Variants in IL7 observed in about 807,000 individuals in gnomAD.
The protein encoded by IL7 is interleukin 7.
Under a neutral mutation model 21.6 loss-of-function variants are expected in IL7, and 3 were observed. The ratio of observed to expected loss-of-function variants is 0.14; its 90% CI spans 0.06 to 0.36. The LOEUF (loss-of-function observed/expected upper bound fraction) is 0.36, where lower values mean the gene tolerates loss of function less well. IL7 is among the 10% of genes least tolerant of loss of function. The pLI, the probability that IL7 is intolerant of heterozygous loss-of-function variation, is 1.00. For synonymous variants in IL7, 62 were observed against 68.1 expected, an observed-to-expected ratio of 0.91 and a Z score of 0.44; for missense variants, 175 against 200.2, an observed-to-expected ratio of 0.87 and a Z score of 0.76.
chr8:78,742,531 T>C (rs905909835), intron 2 of IL7, among the ~76,000 whole-genome samples: 1 of 152,174 alleles, frequency 6.6e-6, no homozygotes, highest in Non-Finnish European at 1.5e-5. Context: ...TTAATACTTT[T>C]GTCTTTTAAC....
At chr8:78,754,675 T>C (rs1377113946) in intron 2 of IL7, among the ~76,000 whole-genome samples, 1 of 152,032 alleles carries the variant, frequency 6.6e-6, no homozygotes, top group Non-Finnish European at 1.5e-5. Context: ...AATCAGGTTT[T>C]TGTTGTTGTT....
Position 78,805,118 on chromosome 8 carries a change from A to G in IL7, c.-196T>C, listed in dbSNP as rs1032621709. 19 of 565,702 alleles carry G rather than the reference A, an allele frequency of 3.4e-5. No homozygotes were observed. Among genetic ancestry groups the G allele is most frequent in the Non-Finnish European group, 5.8e-5 (18 of 312,874 alleles). 35.0% of individuals were successfully genotyped at this position (565,702 alleles called of 1,614,324 possible). The stretch of plus-strand genomic sequence containing the variant: ...ATCCATCCCAAGGGGGGCGGCACAC[A>G]CTACGGCGTGGCTCTGCGCTTTGCC... On this transcript the variant is annotated 5_prime_UTR_variant, in exon 1 of 6. Coordinates refer to ENST00000263851, the MANE Select transcript of IL7 (RefSeq NM_000880.4).
At chr8:78,709,980 G>A (rs900198304) in intron 3 of IL7, among the ~76,000 whole-genome samples, 9 of 152,086 alleles carry the variant, frequency 5.9e-5, no homozygotes, top group Non-Finnish European at 1.3e-4. Context: ...TACCTAGTAA[G>A]CCACACTAAA....
chr8:78,713,984 A>G (rs62518987), downstream of IL7, among the ~76,000 whole-genome samples: 7,788 of 152,238 alleles, frequency 0.051, 280 homozygotes, highest in Middle Eastern at 0.082. Flanking sequence ...GGAAGCAGCT[A>G]TTTACAATTT....
At chr8:78,697,782 G>T (rs1254843094) in intron 3 of IL7, among the ~76,000 whole-genome samples, 1 of 150,862 alleles carries the variant, frequency 6.6e-6, no homozygotes, top group Non-Finnish European at 1.5e-5. Context: ...AGGTTCAAAT[G>T]ATTCTCCTGC....
chr8:78,764,010 A>T (rs1331162142), intron 2 of IL7, among the ~76,000 whole-genome samples: 1 of 152,176 alleles, frequency 6.6e-6, no homozygotes, highest in East Asian at 1.9e-4. Context: ...AATTGAGTGG[A>T]TTTAATTTCA....
chr8:78,712,701 G>A (rs1383348326), intron 3 of IL7, among the ~76,000 whole-genome samples: 5 of 152,074 alleles, frequency 3.3e-5, no homozygotes, highest in South Asian at 2.1e-4. Context: ...AGAGTGTGTG[G>A]CAATGGCAGT....
At chr8:78,749,201 C>T (rs1449492625) in intron 2 of IL7, among the ~76,000 whole-genome samples, 1 of 152,070 alleles carries the variant, frequency 6.6e-6, no homozygotes, top group Non-Finnish European at 1.5e-5. Flanking sequence ...TATTTTCTCC[C>T]ACCATTTCAG....
chr8:78,751,746 A>T (rs1812181900), intron 2 of IL7, among the ~76,000 whole-genome samples: 1 of 152,220 alleles, frequency 6.6e-6, no homozygotes, highest in South Asian at 2.1e-4. Context: ...CCCCTCTAAC[A>T]TTCATCATTT....
intron 3 of IL7, among the ~76,000 whole-genome samples, chr8:78,696,088 G>A (rs1194617356): frequency 1.3e-5 from 2 of 151,746 alleles, no homozygotes; most frequent in Non-Finnish European, 2.9e-5. Flanking sequence ...AGGCTAGAGT[G>A]CAGTGGCGTG....
At chr8:78,777,413 T>C (rs1349885758) in intron 2 of IL7, among the ~76,000 whole-genome samples, 1 of 151,990 alleles carries the variant, frequency 6.6e-6, no homozygotes, top group Non-Finnish European at 1.5e-5. Context: ...ACTTTGTAAT[T>C]ATGTTGTGGC....
At chr8:78,793,559 C>T (rs1445537641) in intron 2 of IL7, among the ~76,000 whole-genome samples, 7 of 152,152 alleles carry the variant, frequency 4.6e-5, no homozygotes, top group African/African-American at 1.4e-4. Flanking sequence ...TAACAATCAT[C>T]TGAGCCTTCA....
chr8:78,717,611 G>A, downstream of IL7: 1 of 1,170,000 alleles, frequency 8.5e-7, no homozygotes, highest in Middle Eastern at 2.4e-4. Flanking sequence ...ACCATTTCCA[G>A]TTAATTTTGA....
intron 4 of IL7, among the ~76,000 whole-genome samples, chr8:78,677,858 C>A (rs1809632461): frequency 6.6e-6 from 1 of 152,188 alleles, no homozygotes; most frequent in Admixed American, 6.5e-5. Context: ...AGAACGGGTA[C>A]TCCATAGACA....
At chr8:78,804,850 C>T in intron 1 of IL7, 63 bp downstream of exon 1, 1 of 1,602,078 alleles carries the variant, frequency 6.2e-7, no homozygotes, top group Non-Finnish European at 8.5e-7. Context: ...GCCCCCAGCG[C>T]GTCTGGGATT....
chr8:78,740,744 G>T (rs1563415559), intron 2 of IL7, among the ~76,000 whole-genome samples: 1 of 152,152 alleles, frequency 6.6e-6, no homozygotes, highest in Non-Finnish European at 1.5e-5. Context: ...GTTGAAATTT[G>T]TTCACAACAT....
In IL7 at chr8:78,778,659, G is replaced by T. The variant is rs1290258643; in HGVS notation, c.147+19413C>A. Among the ~76,000 whole-genome samples the T allele has an allele frequency of 8.5e-4, 129 of 152,162 alleles. 1 individual carries two copies. Among genetic ancestry groups the T allele is most frequent in the South Asian group, 2.1e-4 (1 of 4,818 alleles). ...GGTTGCTGTAGCCTTGTAGAATGTA[G>T]TTTGAAGTTGGGTAGCATGGTGCCT... On this transcript the variant is annotated intron_variant, in intron 2 of 5. Coordinates refer to ENST00000263851, the MANE Select transcript of IL7 (RefSeq NM_000880.4).
intron 2 of IL7, among the ~76,000 whole-genome samples, chr8:78,780,948 C>T (rs985318253): frequency 2.0e-4 from 31 of 152,232 alleles, no homozygotes; most frequent in African/African-American, 7.5e-4. Flanking sequence ...AGGATGTTAG[C>T]TCTTCTTGTT....
At chr8:78,705,743 T>G (rs62518985) in intron 3 of IL7, among the ~76,000 whole-genome samples, 7,836 of 152,150 alleles carry the variant, frequency 0.052, 283 homozygotes, top group Middle Eastern at 0.082. Flanking sequence ...CCCAGGGACT[T>G]TGCAAATCTC....
Sources: allele counts gnomAD v4.1 joint callset (sites outside exome capture counted in the v4.1 genomes callset), GRCh38; gene constraint gnomAD v4.1.1; transcripts MANE v1.5; gene names NCBI Gene and HGNC (gene_info 2026-07-23, HGNC 2026-07-21).